The following PLXNA4 variants were observed in gnomAD, a reference collection of about 807,000 sequenced individuals.
PLXNA4 encodes the protein plexin-A4.
PLXNA4 carries 44 observed loss-of-function variants against 191.8 expected under a neutral mutation model. The observed-to-expected ratio is 0.23, with a 90% CI of 0.18 to 0.29. The LOEUF is 0.29. Among genes scored for constraint, PLXNA4 ranks in the 10% least tolerant of loss-of-function variants. The pLI, the probability that PLXNA4 is intolerant of heterozygous loss-of-function variation, is 1.00. For missense variants in PLXNA4, 1,800 were observed against 2,488.8 expected (o/e 0.72, Z 5.89); for synonymous variants, 1,082 against 1,009.5 (o/e 1.07, Z -1.36).
intron 3 of PLXNA4, among the ~76,000 whole-genome samples, chr7:132,410,447 G>C (rs956605290): frequency 2.6e-5 from 4 of 152,198 alleles, no homozygotes; most frequent in Admixed American, 2.0e-4. Context: ...AGCTGAGACA[G>C]ACCCAAGCCT....
intron 14 of PLXNA4, among the ~76,000 whole-genome samples, chr7:132,192,519 A>G (rs1300878511): frequency 6.7e-6 from 1 of 149,098 alleles, no homozygotes; most frequent in East Asian, 2.0e-4. Context: ...GGAGAGAGGA[A>G]AGGAGGAGAG....
chr7:132,164,626 C>G (rs1378158273), intron 23 of PLXNA4, among the ~76,000 whole-genome samples: 3 of 152,012 alleles, frequency 2.0e-5, no homozygotes, highest in Non-Finnish European at 4.4e-5. Flanking sequence ...CTCTCAGAGG[C>G]CCCATCCAAA....
At chr7:132,569,491 C>T (rs1801879488) in intron 1 of PLXNA4, among the ~76,000 whole-genome samples, 1 of 152,238 alleles carries the variant, frequency 6.6e-6, no homozygotes. Context: ...CTGTTCTGTG[C>T]ACTGGAATTC....
chr7:132,242,558 T>C lies in PLXNA4; in HGVS notation c.1504-1392A>G, dbSNP rs116391843. Among the ~76,000 whole-genome samples the C allele has an allele frequency of 1.3e-3, 198 of 152,250 alleles. 1 individual carries two copies. The highest frequency in any genetic ancestry group is 4.3e-3 in the African/African-American group (177 of 41,548). ...TCCCTTAACTTTCTTATTCCCTTTA[T>C]GCATCTTTTTGTTCTCCAAAGTACA... On this transcript the variant is annotated intron_variant, in intron 4 of 31. Transcript: ENST00000321063.
chr7:132,202,941 G>A (rs966887810), intron 11 of PLXNA4, 105 bp from the exon 12 acceptor site: 1 of 1,229,566 alleles, frequency 8.1e-7, no homozygotes, highest in Non-Finnish European at 1.1e-6. Flanking sequence ...GGGTGATGGG[G>A]CACAAAGGCA....
At chr7:132,620,691 A>G (rs1456827982) in intron 2 of PLXNA4, among the ~76,000 whole-genome samples, 2 of 152,220 alleles carry the variant, frequency 1.3e-5, no homozygotes, top group African/African-American at 4.8e-5. Flanking sequence ...AAATGATGTA[A>G]TAGGATACCT....
Position 132,129,360 on chromosome 7 carries a change from A to G in PLXNA4, c.*1119T>C, listed in dbSNP as rs1273580497. ...GTCATCTGCATAGCAATGGCACCGG[A>G]TTCTGCAGAGGGAACAGGGACTAGG... On this transcript the variant is annotated 3_prime_UTR_variant, in exon 32 of 32. Transcript: ENST00000321063. The G allele has an allele frequency of 6.6e-6, 1 of 152,250 alleles. No individual in the cohort carries two copies. Among genetic ancestry groups the G allele is most frequent in the Non-Finnish European group, 1.5e-5 (1 of 68,058 alleles). 9.4% of individuals were successfully genotyped at this position (152,250 alleles called of 1,614,324 possible).
chr7:132,596,287 T>C lies in PLXNA4; in HGVS notation c.-87+49641A>G, dbSNP rs1057283445. ...CTTGACCTACTAAACACTCTGAGTGTGGGCTGAGATTAAGAGAGAAGCAGG... is the reference window on the plus strand; with the variant it reads ...CTTGACCTACTAAACACTCTGAGTGCGGGCTGAGATTAAGAGAGAAGCAGG... On this transcript the variant is annotated intron_variant, in intron 2 of 4. Transcript: ENST00000378539. Among the ~76,000 whole-genome samples the C allele has an allele frequency of 3.9e-5, 6 of 152,222 alleles. No homozygotes were observed. In the East Asian group the frequency reaches 1.2e-3, roughly 29 times the overall value.
At chr7:132,223,500 T>C in intron 9 of PLXNA4, 27 bp downstream of exon 9, 1 of 1,577,490 alleles carries the variant, frequency 6.3e-7, no homozygotes, top group Non-Finnish European at 8.7e-7. Context: ...CAAGAGACAC[T>C]CACCACTCTG....
chr7:132,526,016 G>T (rs923585136), intron 1 of PLXNA4, among the ~76,000 whole-genome samples: 5 of 152,200 alleles, frequency 3.3e-5, no homozygotes, highest in African/African-American at 7.2e-5. Flanking sequence ...CTTGGGAAAT[G>T]CTGGCATGTT....
At chr7:132,629,840 T>A (rs2116877104) in intron 2 of PLXNA4, among the ~76,000 whole-genome samples, 1 of 151,558 alleles carries the variant, frequency 6.6e-6, no homozygotes, top group Non-Finnish European at 1.5e-5. Flanking sequence ...GAGACAGTGT[T>A]CTCTAGTGTC....
At chr7:132,254,722 G>A (rs1294695185) in intron 4 of PLXNA4, among the ~76,000 whole-genome samples, 2 of 152,192 alleles carry the variant, frequency 1.3e-5, no homozygotes, top group African/African-American at 2.4e-5. Flanking sequence ...TGTAGTAGTA[G>A]GCCAGTTGCT....
chr7:132,508,779 A>C lies in PLXNA4; in HGVS notation c.-86T>G. The C allele has an allele frequency of 4.2e-6, 6 of 1,436,812 alleles. No homozygotes were observed. The highest frequency in any genetic ancestry group is 5.5e-6 in the Non-Finnish European group (6 of 1,099,808). The allele number at this position is 1,436,812 out of a possible 1,614,324, so 89.0% of individuals were successfully genotyped here. ...AGGACTCAGCAATGCAGTCTCCCCT[A>C]CTGGAGAAAGGGAAGACAATGAGCT... On this transcript the variant is annotated splice_region_variant and 5_prime_UTR_variant, in exon 2 of 32. Transcript: ENST00000321063. This position sits in a 1 kb window ranked among gnomAD's most constrained non-coding sequence, Gnocchi z 4.4.
At chr7:132,557,309 A>G (rs541671430) in intron 1 of PLXNA4, among the ~76,000 whole-genome samples, 1 of 152,176 alleles carries the variant, frequency 6.6e-6, no homozygotes, top group Admixed American at 6.5e-5. Flanking sequence ...CGTGCTACTG[A>G]AGTTGAGTTG....
At chr7:132,320,796 A>G (rs941205303) in intron 3 of PLXNA4, among the ~76,000 whole-genome samples, 16 of 152,272 alleles carry the variant, frequency 1.1e-4, no homozygotes, top group Non-Finnish European at 1.6e-4. Flanking sequence ...AGAAATGCCA[A>G]ATCTCTAGCC....
At chr7:132,314,542 C>T (rs749497267) in intron 3 of PLXNA4, among the ~76,000 whole-genome samples, 12 of 151,764 alleles carry the variant, frequency 7.9e-5, no homozygotes, top group East Asian at 5.8e-4. Context: ...AGGGAGGCCA[C>T]GGGAAGTAGG....
intron 5 of PLXNA4, among the ~76,000 whole-genome samples, chr7:132,238,422 C>A (rs1024002545): frequency 6.6e-6 from 1 of 152,134 alleles, no homozygotes; most frequent in African/African-American, 2.4e-5. Context: ...AGCCCCACAA[C>A]AAGTTTCCAA....
intron 3 of PLXNA4, among the ~76,000 whole-genome samples, chr7:132,347,867 C>T (rs1328207067): frequency 1.3e-5 from 2 of 152,150 alleles, no homozygotes; most frequent in African/African-American, 2.4e-5. Context: ...GTTGCTCTTT[C>T]GGGCACTTTC....
chr7:132,168,252 G>A (rs1796179522), intron 22 of PLXNA4, 52 bp downstream of exon 22: 1 of 1,471,648 alleles, frequency 6.8e-7, no homozygotes. Context: ...AAGGCACGGT[G>A]AGCCAGGTGC....
Sources: allele counts gnomAD v4.1 joint callset (sites outside exome capture counted in the v4.1 genomes callset), GRCh38; gene constraint gnomAD v4.1.1; non-coding constraint Gnocchi (gnomAD v3.1); transcripts MANE v1.5; gene names NCBI Gene and HGNC (gene_info 2026-07-23, HGNC 2026-07-21).